Variants in MIPOL1 observed in about 807,000 individuals in gnomAD.
MIPOL1 encodes the protein mirror-image polydactyly gene 1 protein.
A neutral mutation model predicts 60.9 loss-of-function variants in MIPOL1; 57 were observed. That is an observed-to-expected ratio of 0.94 (90% confidence interval 0.76 to 1.17). The LOEUF is 1.17. Among genes scored for constraint, MIPOL1 ranks in the 50% most tolerant of loss-of-function variants. MIPOL1 has a pLI of 0.00. For missense variants in MIPOL1, 551 were observed against 511.6 expected (o/e 1.08, Z -0.74); for synonymous variants, 179 against 168.8 (o/e 1.06, Z -0.47).
intron 10 of MIPOL1, among the ~76,000 whole-genome samples, chr14:37,393,059 A>C (rs2093287449): frequency 6.6e-6 from 1 of 152,154 alleles, no homozygotes; most frequent in African/African-American, 2.4e-5. Flanking sequence ...ACACAGATAC[A>C]AAAGACACAG....
At chr14:37,505,472 T>G (rs1321493071) in intron 12 of MIPOL1, 1 of 152,136 alleles carries the variant, frequency 6.6e-6, no homozygotes, top group African/African-American at 2.4e-5. Context: ...ATAAACGTAA[T>G]CCATCACATA....
chr14:37,376,746 T>A (rs936336965), intron 10 of MIPOL1, among the ~76,000 whole-genome samples: 1 of 152,168 alleles, frequency 6.6e-6, no homozygotes, highest in African/African-American at 2.4e-5. Context: ...TAAACACCCA[T>A]GTGCATTTTG....
intron 1 of MIPOL1, among the ~76,000 whole-genome samples, chr14:37,199,520 CT>C (rs963874618): frequency 1.3e-4 from 20 of 149,566 alleles, no homozygotes; most frequent in South Asian, 2.1e-4. Flanking sequence ...ATTATGTATA[CT>C]TTTTTTTTTC....
At chr14:37,247,747 T>C (rs1973407882) in intron 2 of MIPOL1, 82 bp from the exon 3 acceptor site, 1 of 684,478 alleles carries the variant, frequency 1.5e-6, no homozygotes, top group Non-Finnish European at 2.4e-6. Flanking sequence ...TCCTGTAAAT[T>C]CTCTGTTAAA....
intron 12 of MIPOL1, among the ~76,000 whole-genome samples, chr14:37,518,870 C>T (rs1197106836): frequency 6.6e-6 from 1 of 151,998 alleles, no homozygotes; most frequent in African/African-American, 2.4e-5. Flanking sequence ...ACACATAAAC[C>T]ATCGTGAAAA....
intron 11 of MIPOL1, among the ~76,000 whole-genome samples, chr14:37,436,188 C>A (rs1375088571): frequency 1.3e-5 from 2 of 152,064 alleles, no homozygotes; most frequent in African/African-American, 4.8e-5. Flanking sequence ...TTTAAAAGAA[C>A]TATTAACCTG....
At chr14:37,309,948 G>A (rs938794249) in intron 9 of MIPOL1, among the ~76,000 whole-genome samples, 9 of 151,696 alleles carry the variant, frequency 5.9e-5, no homozygotes, top group Non-Finnish European at 8.8e-5. Context: ...CTCGCCCTCC[G>A]AAAATGCTGG....
rs368325843 is a variant in MIPOL1 at position 37,543,210 on chromosome 14, C to T, written c.1263-3695C>T. 5.3e-5 allele frequency among the ~76,000 whole-genome samples: 8 copies of T among 152,322 alleles called. No homozygotes were observed. In the East Asian group the frequency reaches 1.5e-3, roughly 29 times the overall value. Reference sequence around the variant, plus strand: ...AAATGCATCTCCTTCTTTCCATCTACATTGGTACAGCTCTAATTCAGGCCT... The same window carrying T: ...AAATGCATCTCCTTCTTTCCATCTATATTGGTACAGCTCTAATTCAGGCCT... On this transcript the variant is annotated intron_variant, in intron 12 of 12. Transcript: ENST00000684589.
At chr14:37,267,715 T>C (rs2082989004) in intron 4 of MIPOL1, among the ~76,000 whole-genome samples, 1 of 152,200 alleles carries the variant, frequency 6.6e-6, no homozygotes, top group Admixed American at 6.5e-5. Context: ...TTTAATTCTA[T>C]TTTATTCAAT....
chr14:37,327,721 A>G (rs1303945081), intron 9 of MIPOL1, among the ~76,000 whole-genome samples: 1 of 152,208 alleles, frequency 6.6e-6, no homozygotes, highest in Admixed American at 6.5e-5. Context: ...CAGTGTTACC[A>G]AAATAGTGAA....
Position 37,547,171 on chromosome 14 carries a change from T to A in MIPOL1, c.*200T>A, listed in dbSNP as rs909753951. 1.8e-6 allele frequency: 1 copy of A among 548,530 alleles called. No homozygotes were observed. 34.0% of individuals were successfully genotyped at this position (548,530 alleles called of 1,614,324 possible). A position where few individuals can be genotyped will look rare whatever the true frequency, so the allele number is the denominator to read the frequency against. ...CTGACTTGAGTTATTTATCCAAATATATTAACTATAGACTTTTACCAATGG... is the reference window on the plus strand; with the variant it reads ...CTGACTTGAGTTATTTATCCAAATAAATTAACTATAGACTTTTACCAATGG... On this transcript the variant is annotated 3_prime_UTR_variant, in exon 13 of 13. Transcript: ENST00000684589.
chr14:37,322,055 A>C (rs1271396981), intron 9 of MIPOL1, among the ~76,000 whole-genome samples: 1 of 152,014 alleles, frequency 6.6e-6, no homozygotes, highest in Non-Finnish European at 1.5e-5. Flanking sequence ...GGTATTTATT[A>C]GGCATCCCTC....
intron 11 of MIPOL1, among the ~76,000 whole-genome samples, chr14:37,465,841 A>C (rs1477862143): frequency 6.6e-6 from 1 of 152,212 alleles, no homozygotes; most frequent in Non-Finnish European, 1.5e-5. Flanking sequence ...TGTAAGCATT[A>C]AATTAGTGTA....
chr14:37,376,911 G>A (rs1853335471), intron 10 of MIPOL1, among the ~76,000 whole-genome samples: 2 of 152,134 alleles, frequency 1.3e-5, no homozygotes, highest in African/African-American at 4.8e-5. Flanking sequence ...TAATGAATGA[G>A]AGCTTCTGTT....
intron 1 of MIPOL1, chr14:37,240,645 G>A (rs1214149644): frequency 6.6e-6 from 1 of 152,090 alleles, no homozygotes; most frequent in African/African-American, 2.4e-5. Context: ...AGGGCAAAAC[G>A]TTTCAGGATA....
chr14:37,441,061 T>G (rs2094236945), intron 11 of MIPOL1, among the ~76,000 whole-genome samples: 1 of 152,184 alleles, frequency 6.6e-6, no homozygotes, highest in Admixed American at 6.5e-5. Flanking sequence ...GTGTGTCTTT[T>G]GAAAAAATGT....
At chr14:37,447,278 C>A (rs571015518) in intron 11 of MIPOL1, among the ~76,000 whole-genome samples, 1 of 152,172 alleles carries the variant, frequency 6.6e-6, no homozygotes, top group African/African-American at 2.4e-5. Flanking sequence ...ATTACCATGA[C>A]TGTTGCTTTT....
At chr14:37,543,548 A>T (rs1401099219) in intron 12 of MIPOL1, among the ~76,000 whole-genome samples, 1 of 152,232 alleles carries the variant, frequency 6.6e-6, no homozygotes, top group Non-Finnish European at 1.5e-5. Flanking sequence ...AAGTGATGGG[A>T]CTACAGGCGT....
intron 9 of MIPOL1, among the ~76,000 whole-genome samples, chr14:37,330,065 A>C (rs2089535132): frequency 6.6e-6 from 1 of 152,118 alleles, no homozygotes; most frequent in African/African-American, 2.4e-5. Flanking sequence ...CTTTTGCAGC[A>C]CTGAAGAGAT....
Sources: allele counts gnomAD v4.1 joint callset (sites outside exome capture counted in the v4.1 genomes callset), GRCh38; gene constraint gnomAD v4.1.1; transcripts MANE v1.5; gene names NCBI Gene and HGNC (gene_info 2026-07-23, HGNC 2026-07-21).